INTS3: variants seen among roughly 807,000 people sequenced by gnomAD.
INTS3 encodes integrator complex subunit 3.
In INTS3, 34 loss-of-function variants were observed where a neutral mutation model predicts 146.3. That is an observed-to-expected ratio of 0.23 (90% CI 0.18 to 0.31). The LOEUF is 0.31. INTS3 is among the 10% of genes least tolerant of loss of function. INTS3 has a pLI of 1.00. For synonymous variants in INTS3, 475 were observed against 494.9 expected (o/e 0.96, Z 0.53); for missense variants, 757 against 1,304.2 (o/e 0.58, Z 6.46).
rs1672489538 is a variant in INTS3, at chr1:153,764,189, A to C, written c.1893A>C (p.Arg631=). 2 of 1,613,662 alleles carry C rather than the reference A, an allele frequency of 1.2e-6. No homozygotes were observed. Among genetic ancestry groups the C allele is most frequent in the Non-Finnish European group, 1.7e-6 (2 of 1,179,804 alleles). Residue 631 remains arginine, a synonymous_variant, in exon 18 of 30, where the codon CGA becomes CGC. Coordinates refer to ENST00000318967, the MANE Select transcript of INTS3 (RefSeq NM_023015.5). ...CLQELFKAHF[R]GEVLPEEITE... ...AGGAGCTCTTCAAGGCCCACTTTCG[A>C]GGGGAGGTCCTGCCTGAGGAGATTA...
At chr1:153,732,054 C>G (rs1321170279) in intron 1 of INTS3, among the ~76,000 whole-genome samples, 2 of 151,648 alleles carry the variant, frequency 1.3e-5, no homozygotes, top group African/African-American at 4.8e-5. Flanking sequence ...ATTACAGGCA[C>G]TACCACTCCT....
chr1:153,746,101 C>T (rs1671725128), intron 3 of INTS3, among the ~76,000 whole-genome samples: 2 of 152,164 alleles, frequency 1.3e-5, no homozygotes, highest in Admixed American at 6.5e-5. Context: ...AAAAAAATAT[C>T]AGTTTTGGTT....
At chr1:153,768,991 G>A (rs1034649721) in intron 22 of INTS3, 30 bp downstream of exon 22, 2 of 1,566,750 alleles carry the variant, frequency 1.3e-6, no homozygotes, top group Admixed American at 1.7e-5. Context: ...CTCCCCAGAA[G>A]ATCTGGGAGG....
chr1:153,733,451 T>C (rs1000412485), intron 1 of INTS3, among the ~76,000 whole-genome samples: 4 of 151,464 alleles, frequency 2.6e-5, no homozygotes, highest in African/African-American at 9.7e-5. Flanking sequence ...GACCTCGTGA[T>C]CTTCCTGCCT....
rs1210001534 is a variant in INTS3 at position 153,760,257 on chromosome 1, AAGAG to A, written c.1238-44_1238-41del. On this transcript the variant is annotated intron_variant, in intron 11 of 29. Coordinates refer to ENST00000318967, the MANE Select transcript of INTS3 (RefSeq NM_023015.5). ...CAAAAAAAAAAAAAAAAAAAAAAAA[AAGAG>A]AGAGAGAGACTGACTGATGTGAGGG... 90 of 926,898 alleles carry A rather than the reference AAGAG, an allele frequency of 9.7e-5. No homozygotes were observed. The African/African-American group carries it at 1.2e-3, about 12-fold the overall frequency. 57.4% of individuals were successfully genotyped at this position (926,898 alleles called of 1,614,324 possible). A position where few individuals can be genotyped will look rare whatever the true frequency, so the allele number is the denominator to read the frequency against.
intron 24 of INTS3, 47 bp downstream of exon 24, chr1:153,770,358 A>G (rs1361352531): frequency 1.7e-6 from 2 of 1,189,960 alleles, no homozygotes; most frequent in South Asian, 1.2e-5. Context: ...GACACTTCCT[A>G]TACAGTTAGG....
chr1:153,767,933 A>C, intron 21 of INTS3, 106 bp downstream of exon 21: 2 of 1,176,522 alleles, frequency 1.7e-6, no homozygotes, highest in Non-Finnish European at 2.3e-6. Flanking sequence ...ATCCCCACTA[A>C]CCTAGGTGGG....
chr1:153,754,598 T>A (rs1198295432), intron 8 of INTS3, 44 bp from the exon 9 acceptor site: 5 of 1,324,504 alleles, frequency 3.8e-6, no homozygotes, highest in East Asian at 2.3e-5. Flanking sequence ...TTCTTTCTGG[T>A]CCTTAGGCTT....
chr1:153,770,724 G>A lies in INTS3; in HGVS notation c.2543G>A (p.Arg848Gln), dbSNP rs1050170688. The change falls in exon 25 of 30, where the codon CGA (arginine) becomes CAA (glutamine). Residue 848 changes from arginine (R) to glutamine (Q), a missense_variant. Physicochemically the swap from Arg to Gln is conservative, Grantham distance 43. Around this residue, in one of 8 missense-constraint regions of INTS3, gnomAD observed 116 missense variants for 226.5 expected, o/e 0.51. Transcript: ENST00000318967. ...EALSCLLLQL[R>Q]REKPSEEMVK... ...CTGTCCTGCCTACTGCTTCAACTCCGAAGAGAAAAGTGAGTTCCACTTCTG... is the reference window on the plus strand; with the variant it reads ...CTGTCCTGCCTACTGCTTCAACTCCAAAGAGAAAAGTGAGTTCCACTTCTG... The A allele has an allele frequency of 8.1e-6, 13 of 1,613,184 alleles. No individual in the cohort carries two copies. Among genetic ancestry groups the A allele is most frequent in the African/African-American group, 2.7e-5 (2 of 74,860 alleles).
intron 9 of INTS3, 39 bp downstream of exon 9, chr1:153,754,778 C>T (rs759155694): frequency 2.3e-6 from 3 of 1,294,938 alleles, no homozygotes; most frequent in Non-Finnish European, 3.4e-6. Context: ...AGGTCACACG[C>T]TGGCTGGGCT....
At chr1:153,765,656 A>G (rs1439204659) in intron 20 of INTS3, among the ~76,000 whole-genome samples, 1 of 150,708 alleles carries the variant, frequency 6.6e-6, no homozygotes, top group African/African-American at 2.4e-5. Context: ...TGCAACTTCC[A>G]CCTCCCGGGT....
intron 24 of INTS3, 46 bp downstream of exon 24, chr1:153,770,357 T>C (rs759558273): frequency 8.4e-7 from 1 of 1,195,764 alleles, no homozygotes; most frequent in Non-Finnish European, 1.3e-6. Context: ...TGACACTTCC[T>C]ATACAGTTAG....
chr1:153,731,513 T>C (rs959009136), intron 1 of INTS3, among the ~76,000 whole-genome samples: 2 of 151,994 alleles, frequency 1.3e-5, no homozygotes, highest in African/African-American at 2.4e-5. Context: ...TCCTGGTTTT[T>C]CTTCTGCCAA....
rs1267577043 is a variant in INTS3, at chr1:153,762,797, A to G, written c.1586A>G (p.Asp529Gly). The G allele has an allele frequency of 6.2e-7, 1 of 1,614,168 alleles. No individual in the cohort carries two copies. Among genetic ancestry groups the G allele is most frequent in the Non-Finnish European group, 8.5e-7 (1 of 1,180,022 alleles). Reference sequence around the variant, plus strand: ...TCGGATAAGGATGAGAGTTGCTATGACAATGCAGAGGCAGCCTTCAGTGAC... The same window carrying G: ...TCGGATAAGGATGAGAGTTGCTATGGCAATGCAGAGGCAGCCTTCAGTGAC... ...HMSDKDESCY[D>G]NAEAAFSDDE... is the part of the protein sequence containing the mutation. Residue 529 changes from aspartate (D) to glycine (G), a missense_variant, in exon 15 of 30, where the codon GAC becomes GGC. Asp to Gly is a moderately conservative substitution (Grantham distance 94). Transcript: ENST00000318967.
chr1:153,767,644 C>T (rs781419990), intron 20 of INTS3, 30 bp from the exon 21 acceptor site: 7 of 1,541,128 alleles, frequency 4.5e-6, no homozygotes, highest in African/African-American at 2.7e-5. Context: ...TGGGGTCAGG[C>T]TGCTGGCTCA....
chr1:153,771,642 A>C (rs1672874188), intron 25 of INTS3, among the ~76,000 whole-genome samples, 154 bp from the exon 26 acceptor site: 2 of 152,186 alleles, frequency 1.3e-5, no homozygotes, highest in South Asian at 4.1e-4. Context: ...ACAGAGGATG[A>C]AACCAGGCAT....
chr1:153,770,370 C>A, intron 24 of INTS3, 59 bp downstream of exon 24: 2 of 1,069,166 alleles, frequency 1.9e-6, no homozygotes, highest in Non-Finnish European at 2.9e-6. Context: ...ACAGTTAGGG[C>A]AAGGCTGAGG....
chr1:153,767,860 G>A (rs200540073), intron 21 of INTS3, 33 bp downstream of exon 21: 1 of 1,565,498 alleles, frequency 6.4e-7, no homozygotes, highest in East Asian at 2.3e-5. Context: ...GTGCCGGGGG[G>A]CTCACAGGAA....
At position 153,762,858 on chromosome 1, in the gene INTS3, C is replaced by T; in HGVS notation, c.1636+11C>T. 6.2e-7 allele frequency: 1 copy of T among 1,613,664 alleles called. No homozygotes were observed. The highest frequency in any genetic ancestry group is 8.5e-7 in the Non-Finnish European group (1 of 1,179,950). ...ATCTCAACAGCAAAGGTGAGGCCATCAGCAAGGGCTAGTTCAGGGTTGTGT... is the reference window on the plus strand; with the variant it reads ...ATCTCAACAGCAAAGGTGAGGCCATTAGCAAGGGCTAGTTCAGGGTTGTGT... On this transcript the variant is annotated intron_variant, in intron 15 of 29. Coordinates refer to ENST00000318967, the MANE Select transcript of INTS3 (RefSeq NM_023015.5).
Sources: gnomAD v4.1 joint callset for allele counts (sites outside exome capture counted in the v4.1 genomes callset) on GRCh38, gnomAD v4.1.1 for gene constraint, gnomAD v4.1.1 regional missense constraint, MANE v1.5 for transcripts, NCBI Gene and HGNC (gene_info 2026-07-23, HGNC 2026-07-21) for gene names.